NCK1: variants seen among roughly 807,000 people sequenced by gnomAD.
NCK1 encodes the protein SH2/SH3 adapter protein NCK1.
In NCK1, 19 loss-of-function variants were observed where a neutral mutation model predicts 36.6. The observed-to-expected ratio is 0.52, with a 90% CI of 0.36 to 0.76. The LOEUF (loss-of-function observed/expected upper bound fraction) is 0.76, where lower values mean the gene tolerates loss of function less well. Ranked by LOEUF, NCK1 falls within the 30% of genes least tolerant of loss-of-function variation. The probability of loss-of-function intolerance (pLI) is 0.00; values close to 1 mark genes in which losing one functional copy is unlikely to be tolerated. For synonymous variants in NCK1, 165 were observed against 156.0 expected (o/e 1.06, Z -0.43); for missense variants, 358 against 445.6 (o/e 0.80, Z 1.77).
chr3:136,870,233 T>C (rs1352055129), intron 1 of NCK1, among the ~76,000 whole-genome samples: 1 of 151,734 alleles, frequency 6.6e-6, no homozygotes, highest in Non-Finnish European at 1.5e-5. Context: ...TCCCAGCTAC[T>C]TGGGAGGCTG....
chr3:136,910,850 T>C (rs1278966344), intron 1 of NCK1, among the ~76,000 whole-genome samples: 2 of 152,212 alleles, frequency 1.3e-5, no homozygotes, highest in Admixed American at 6.5e-5. Flanking sequence ...CTGGAATCAC[T>C]GTGCTGTGCA....
At chr3:136,944,111 C>CTTTTTTTTT (rs1560055771) in intron 2 of NCK1, among the ~76,000 whole-genome samples, 1,259 of 80,888 alleles carry the variant, frequency 0.016, 259 homozygotes, top group African/African-American at 0.062. Context: ...GGAAAAACAA[C>CTTTTTTTTT]CTTTTTTTTT....
intron 1 of NCK1, among the ~76,000 whole-genome samples, chr3:136,867,958 C>T (rs1358111939): frequency 6.6e-6 from 1 of 151,838 alleles, no homozygotes; most frequent in Non-Finnish European, 1.5e-5. Context: ...GCAGTTTTTG[C>T]CCTGGCTGGA....
At chr3:136,894,218 C>T (rs1006746308) in intron 1 of NCK1, among the ~76,000 whole-genome samples, 2 of 152,118 alleles carry the variant, frequency 1.3e-5, no homozygotes, top group African/African-American at 4.8e-5. Flanking sequence ...GAAGCATTAC[C>T]CTCAGGATCT....
intron 1 of NCK1, among the ~76,000 whole-genome samples, chr3:136,921,054 T>C (rs1223312055): frequency 6.6e-6 from 1 of 152,132 alleles, no homozygotes; most frequent in Non-Finnish European, 1.5e-5. Flanking sequence ...TAAAATGAGG[T>C]CGTTAAGATG....
At chr3:136,889,133 CT>C in intron 1 of NCK1, 1 of 136,530 alleles carries the variant, frequency 7.3e-6, no homozygotes, top group East Asian at 2.3e-4. Flanking sequence ...CTCAAGTGAT[CT>C]TCCCATCTCT....
intron 1 of NCK1, among the ~76,000 whole-genome samples, chr3:136,923,936 G>T (rs1019967103): frequency 6.6e-6 from 1 of 152,146 alleles, no homozygotes; most frequent in African/African-American, 2.4e-5. Context: ...TACCTTTTCT[G>T]TAAGGTTTTA....
intron 1 of NCK1, among the ~76,000 whole-genome samples, chr3:136,862,801 G>A (rs543511927): frequency 6.6e-5 from 10 of 152,366 alleles, no homozygotes; most frequent in Non-Finnish European, 1.3e-4. Flanking sequence ...CCCGAGAGGA[G>A]GGGAGGCGTC....
chr3:136,923,228 T>A (rs917830581), intron 1 of NCK1, among the ~76,000 whole-genome samples: 20 of 151,122 alleles, frequency 1.3e-4, no homozygotes, highest in South Asian at 6.3e-4. Context: ...TTAAATTATT[T>A]AAAAAAAAAT....
Position 136,950,929 on chromosome 3 carries a change from T to G in NCK1, c.*2476T>G, listed in dbSNP as rs1000475456. Among the ~76,000 whole-genome samples, 1 of 152,180 alleles carries G rather than the reference T, an allele frequency of 6.6e-6. No individual in the cohort carries two copies. The highest frequency in any genetic ancestry group is 2.4e-5 in the African/African-American group (1 of 41,440). ...GCTTTGTGACAAAAACAAATGCCAT[T>G]GTGTCCCTTATTTAGTCATAAAACC... is the stretch of plus-strand genomic sequence containing the variant. On this transcript the variant is annotated 3_prime_UTR_variant, in exon 4 of 4. Coordinates refer to ENST00000481752, the MANE Select transcript of NCK1 (RefSeq NM_001291999.2).
chr3:136,867,111 T>C (rs1224834376), intron 1 of NCK1, among the ~76,000 whole-genome samples: 15 of 26,748 alleles, frequency 5.6e-4, no homozygotes, highest in South Asian at 3.4e-3. Flanking sequence ...TTTCTTTCTT[T>C]CTTTCTTTGT....
intron 1 of NCK1, among the ~76,000 whole-genome samples, chr3:136,910,014 T>C (rs917895207): frequency 6.6e-5 from 10 of 152,200 alleles, no homozygotes; most frequent in Non-Finnish European, 1.2e-4. Context: ...AGAATTTTTT[T>C]TCTATTCATC....
intron 2 of NCK1, chr3:136,928,745 G>GT (rs1477816607): frequency 6.7e-6 from 1 of 149,230 alleles, no homozygotes; most frequent in African/African-American, 2.5e-5. Flanking sequence ...CAAAGTTTTT[G>GT]TTTTTTATTT....
intron 1 of NCK1, among the ~76,000 whole-genome samples, chr3:136,907,851 C>T (rs981548408): frequency 2.0e-5 from 3 of 152,152 alleles, no homozygotes; most frequent in Non-Finnish European, 4.4e-5. Context: ...ACCTATTGTC[C>T]TCAGTGCTAC....
chr3:136,922,265 T>C (rs1455094847), intron 1 of NCK1, among the ~76,000 whole-genome samples: 1 of 152,240 alleles, frequency 6.6e-6, no homozygotes, highest in Non-Finnish European at 1.5e-5. Context: ...GTGAAAGTTA[T>C]CTTTTTGATT....
At chr3:136,871,470 T>C (rs1938616537) in intron 1 of NCK1, among the ~76,000 whole-genome samples, 1 of 152,170 alleles carries the variant, frequency 6.6e-6, no homozygotes, top group Admixed American at 6.6e-5. Context: ...CAAATTTAAA[T>C]GTATAGAATG....
chr3:136,892,997 A>G (rs1039789330), intron 1 of NCK1, among the ~76,000 whole-genome samples: 1 of 151,212 alleles, frequency 6.6e-6, no homozygotes, highest in Non-Finnish European at 1.5e-5. Context: ...TTGCGTCCTC[A>G]TAGCTTTGCT....
At chr3:136,937,542 C>G (rs1173121776) in intron 2 of NCK1, among the ~76,000 whole-genome samples, 1 of 152,112 alleles carries the variant, frequency 6.6e-6, no homozygotes, top group East Asian at 1.9e-4. Flanking sequence ...TGCATTGAAT[C>G]TGTGGATTGT....
At position 136,928,013 on chromosome 3, in the gene NCK1, AGTG is replaced by A. The variant is rs765780044; in HGVS notation, c.18_20del (p.Val8del). The A allele has an allele frequency of 6.2e-7, 1 of 1,613,140 alleles. No individual in the cohort carries two copies. Among genetic ancestry groups the A allele is most frequent in the South Asian group, 1.1e-5 (1 of 91,044 alleles). ...GAAGCTGCTGAAAGATGGCAGAAGAAGTGGTGGTAGTAGCCAAATTTGATTATG... is the reference window on the plus strand; with the variant it reads ...GAAGCTGCTGAAAGATGGCAGAAGAAGTGGTAGTAGCCAAATTTGATTATG... On this transcript the variant is annotated inframe_deletion, in exon 2 of 4. Transcript: ENST00000481752.
Sources: allele counts gnomAD v4.1 joint callset (sites outside exome capture counted in the v4.1 genomes callset), GRCh38; gene constraint gnomAD v4.1.1; transcripts MANE v1.5; gene names NCBI Gene and HGNC (gene_info 2026-07-23, HGNC 2026-07-21).